Variants in STX6 observed in about 807,000 individuals in gnomAD.
STX6 encodes syntaxin 6.
STX6 carries 23 observed loss-of-function variants against 38.0 expected under a neutral mutation model. That is an observed-to-expected ratio of 0.60 (90% CI 0.43 to 0.86). STX6 has a LOEUF of 0.86. Among genes scored for constraint, STX6 ranks in the 40% least tolerant of loss-of-function variants. The pLI, the probability that STX6 is intolerant of heterozygous loss-of-function variation, is 0.00. For missense variants in STX6, 274 were observed against 312.9 expected (o/e 0.88, Z 0.94); for synonymous variants, 123 against 107.5 (o/e 1.14, Z -0.89).
At chr1:181,012,701 T>C (rs1656439420) in intron 1 of STX6, among the ~76,000 whole-genome samples, 1 of 133,542 alleles carries the variant, frequency 7.5e-6, no homozygotes, top group South Asian at 2.2e-4. Context: ...TGAGATGGAA[T>C]TTCACTCTTG....
chr1:181,005,614 A>G, intron 1 of STX6, 151 bp from the exon 2 acceptor site: 1 of 676,790 alleles, frequency 1.5e-6, no homozygotes, highest in South Asian at 2.3e-5. Flanking sequence ...ATCAAAGTTC[A>G]AAACTTTGAT....
In STX6 at chr1:180,973,523, C is replaced by T. The variant is rs1655175519; in HGVS notation, c.*3047G>A. ...CGAGGTGAGAAGGAGTGGAAGTTGC[C>T]AAGTTGTTGGCTACCAGACCCATCA... is the stretch of plus-strand genomic sequence containing the variant. On this transcript the variant is annotated 3_prime_UTR_variant, in exon 8 of 8. Transcript: ENST00000258301. 6.6e-6 allele frequency: 1 copy of T among 152,580 alleles called. No individual in the cohort carries two copies. Among genetic ancestry groups the T allele is most frequent in the African/African-American group, 2.4e-5 (1 of 41,420 alleles). 9.5% of individuals were successfully genotyped at this position (152,580 alleles called of 1,614,324 possible). A position where few individuals can be genotyped will look rare whatever the true frequency, so the allele number is the denominator to read the frequency against.
chr1:180,974,019 C>T lies in STX6; in HGVS notation c.*2551G>A, dbSNP rs1655187848. ...TTATCACCACTGTCTACTTACTCTC[C>T]CATTCTAGGACACAGGGTGAAGAGA... On this transcript the variant is annotated 3_prime_UTR_variant, in exon 8 of 8. Transcript: ENST00000258301. The T allele has an allele frequency of 6.6e-6, 1 of 152,202 alleles. No individual in the cohort carries two copies. The highest frequency in any genetic ancestry group is 2.4e-5 in the African/African-American group (1 of 41,440). The allele number at this position is 152,202 out of a possible 1,614,324, so 9.4% of individuals were successfully genotyped here.
In STX6 at chr1:180,972,987, C is replaced by T. The variant is rs141614914; in HGVS notation, c.*3583G>A. ...CAGGGGCACTGTCCTCAGGGGCGGA[C>T]TTTGCTCAGGGATGGCGCACAGTGA... On this transcript the variant is annotated 3_prime_UTR_variant, in exon 8 of 8. Coordinates refer to ENST00000258301, the MANE Select transcript of STX6 (RefSeq NM_005819.6). The T allele has an allele frequency of 1.2e-5, 2 of 168,942 alleles. No homozygotes were observed. The highest frequency in any genetic ancestry group is 4.8e-5 in the African/African-American group (2 of 41,820). 10.5% of individuals were successfully genotyped at this position (168,942 alleles called of 1,614,324 possible).
At chr1:181,007,620 G>C (rs1285000874) in intron 1 of STX6, among the ~76,000 whole-genome samples, 1 of 152,164 alleles carries the variant, frequency 6.6e-6, no homozygotes, top group African/African-American at 2.4e-5. Context: ...CTAGGGCTTA[G>C]GTTTGTTCTC....
At chr1:180,996,092 T>C (rs924652035) in intron 3 of STX6, among the ~76,000 whole-genome samples, 1 of 152,196 alleles carries the variant, frequency 6.6e-6, no homozygotes, top group Non-Finnish European at 1.5e-5. Context: ...AACAGCACTT[T>C]GAAAATAAAT....
chr1:181,001,106 G>A (rs1338623174), intron 3 of STX6, among the ~76,000 whole-genome samples: 2 of 152,142 alleles, frequency 1.3e-5, no homozygotes, highest in African/African-American at 4.8e-5. Flanking sequence ...TATGTATATA[G>A]AAAGGCAACT....
At position 181,022,750 on chromosome 1, in the gene STX6, C is replaced by T; in HGVS notation, c.-77G>A. On this transcript the variant is annotated 5_prime_UTR_variant, in exon 1 of 8. Coordinates refer to ENST00000258301, the MANE Select transcript of STX6 (RefSeq NM_005819.6). ...CCTCCCGGTCTCCCTCCGCCCACCC[C>T]GCCTGTTCCCGCAGCTGCCCGCGCC... is the stretch of plus-strand genomic sequence containing the variant. 6 of 1,436,428 alleles carry T rather than the reference C, an allele frequency of 4.2e-6. No individual in the cohort carries two copies. The highest frequency in any genetic ancestry group is 3.8e-6 in the Non-Finnish European group (4 of 1,048,576). The allele number at this position is 1,436,428 out of a possible 1,614,324, so 89.0% of individuals were successfully genotyped here.
chr1:181,005,222 G>C (rs780205595), intron 2 of STX6, 72 bp downstream of exon 2: 4 of 1,546,758 alleles, frequency 2.6e-6, no homozygotes, highest in Non-Finnish European at 3.5e-6. Context: ...CTACATACTG[G>C]AAACAACTGG....
chr1:180,985,076 T>C (rs755049409), intron 6 of STX6, among the ~76,000 whole-genome samples: 9 of 152,274 alleles, frequency 5.9e-5, no homozygotes, highest in Non-Finnish European at 1.2e-4. Flanking sequence ...GAGAAAACTA[T>C]GAGGAATCAC....
chr1:181,017,244 T>A (rs1297207315), intron 1 of STX6, among the ~76,000 whole-genome samples: 2 of 147,430 alleles, frequency 1.4e-5, no homozygotes, highest in Non-Finnish European at 1.5e-5. Context: ...AAAAAAAAAA[T>A]TAGCTGGGCG....
chr1:181,002,853 C>T (rs759002094), intron 2 of STX6, among the ~76,000 whole-genome samples, 153 bp from the exon 3 acceptor site: 13 of 152,218 alleles, frequency 8.5e-5, no homozygotes, highest in Non-Finnish European at 1.8e-4. Flanking sequence ...CAGACTTCCT[C>T]TGCCCACAGC....
intron 6 of STX6, chr1:180,988,023 AAAT>A (rs1223151572): frequency 4.8e-6 from 2 of 413,804 alleles, no homozygotes; most frequent in Non-Finnish European, 8.8e-6. Flanking sequence ...AGGTGTTTAA[AAAT>A]AATAACAACT....
chr1:181,001,711 T>C (rs1485594293), intron 3 of STX6, among the ~76,000 whole-genome samples: 3 of 152,192 alleles, frequency 2.0e-5, no homozygotes, highest in Admixed American at 6.5e-5. Flanking sequence ...GTTTCTACAA[T>C]AGCAATTGTT....
At position 181,005,373 on chromosome 1, in the gene STX6, T is replaced by G. The variant is rs1656195140; in HGVS notation, c.126A>C (p.Glu42Asp). The change falls in exon 2 of 8, where the codon GAA becomes GAC. Residue 42 changes from glutamate (E) to aspartate (D), a missense_variant. Transcript: ENST00000258301. ...LQDPSTATRE[E>D]IDWTTNELRN... ...TCAGCTCGTTGGTGGTCCAGTCGATTTCTTCCCTTGTTGCTGTGGAGGGGT... is the reference window on the plus strand; with the variant it reads ...TCAGCTCGTTGGTGGTCCAGTCGATGTCTTCCCTTGTTGCTGTGGAGGGGT... 1 of 1,614,002 alleles carries G rather than the reference T, an allele frequency of 6.2e-7. No homozygotes were observed. Among genetic ancestry groups the G allele is most frequent in the Non-Finnish European group, 8.5e-7 (1 of 1,180,004 alleles).
At chr1:181,019,557 C>G (rs966969488) in intron 1 of STX6, among the ~76,000 whole-genome samples, 1 of 152,160 alleles carries the variant, frequency 6.6e-6, no homozygotes, top group Admixed American at 6.5e-5. Context: ...GTACAGCAAT[C>G]ACAGTCACTG....
At position 180,975,376 on chromosome 1, in the gene STX6, T is replaced by C. The variant is rs1355268638; in HGVS notation, c.*1194A>G. ...GTCATCAGAAGGTTAAAGTTTAGTG[T>C]CTCAGCAGTTTCAGCTACTTAAACT... On this transcript the variant is annotated 3_prime_UTR_variant, in exon 8 of 8. Coordinates refer to ENST00000258301, the MANE Select transcript of STX6 (RefSeq NM_005819.6). The C allele has an allele frequency of 7.3e-6, 1 of 137,806 alleles. No homozygotes were observed. Among genetic ancestry groups the C allele is most frequent in the Non-Finnish European group, 1.6e-5 (1 of 62,722 alleles). The allele number at this position is 137,806 out of a possible 1,614,324, so 8.5% of individuals were successfully genotyped here. A position where few individuals can be genotyped will look rare whatever the true frequency, so the allele number is the denominator to read the frequency against.
chr1:181,005,610 G>T, intron 1 of STX6, 147 bp from the exon 2 acceptor site: 1 of 697,562 alleles, frequency 1.4e-6, no homozygotes, highest in Non-Finnish European at 2.3e-6. Context: ...AAATATCAAA[G>T]TTCAAAACTT....
chr1:180,992,018 A>T (rs1386068621), intron 4 of STX6, among the ~76,000 whole-genome samples: 1 of 151,162 alleles, frequency 6.6e-6, no homozygotes, highest in African/African-American at 2.4e-5. Flanking sequence ...AGAATAAAAC[A>T]TTCAAATTAA....
Sources: allele counts gnomAD v4.1 joint callset (sites outside exome capture counted in the v4.1 genomes callset), GRCh38; gene constraint gnomAD v4.1.1; transcripts MANE v1.5; gene names NCBI Gene and HGNC (gene_info 2026-07-23, HGNC 2026-07-21).